The following P3H2 variants were observed in gnomAD, a reference collection of about 807,000 sequenced individuals.
The protein encoded by P3H2 is leprecan-like 1.
P3H2 carries 80 observed loss-of-function variants against 87.0 expected under a neutral mutation model. The ratio of observed to expected loss-of-function variants is 0.92; its 90% CI spans 0.77 to 1.11. P3H2 has a LOEUF of 1.11. P3H2 is among the 50% of genes least tolerant of loss of function. The pLI, the probability that P3H2 is intolerant of heterozygous loss-of-function variation, is 0.00. For missense variants in P3H2, 1,001 were observed against 923.9 expected (o/e 1.08, Z -1.08); for synonymous variants, 367 against 359.3 (o/e 1.02, Z -0.24).
chr3:190,032,288 C>T (rs1223068803), intron 1 of P3H2, among the ~76,000 whole-genome samples: 3 of 151,970 alleles, frequency 2.0e-5, no homozygotes, highest in Non-Finnish European at 4.4e-5. Flanking sequence ...GGTGTGTTGT[C>T]AAAATGCTGA....
At chr3:190,092,989 G>A (rs1180327241) in intron 1 of P3H2, among the ~76,000 whole-genome samples, 1 of 152,080 alleles carries the variant, frequency 6.6e-6, no homozygotes, top group African/African-American at 2.4e-5. Context: ...TCATACATGT[G>A]ATCTCTCTTC....
chr3:190,069,429 T>C (rs1726623394), intron 1 of P3H2, among the ~76,000 whole-genome samples: 1 of 152,220 alleles, frequency 6.6e-6, no homozygotes, highest in Admixed American at 6.5e-5. Context: ...AGTGTAAATC[T>C]TATATATTTG....
At chr3:189,979,823 C>G (rs1000280233) in intron 8 of P3H2, among the ~76,000 whole-genome samples, 1 of 151,778 alleles carries the variant, frequency 6.6e-6, no homozygotes, top group Non-Finnish European at 1.5e-5. Context: ...AAGAAATTAG[C>G]CTGGCATGGT....
intron 11 of P3H2, among the ~76,000 whole-genome samples, chr3:189,972,602 G>A (rs1417892905): frequency 2.6e-5 from 4 of 151,920 alleles, no homozygotes; most frequent in East Asian, 1.9e-4. Flanking sequence ...GAAACCTACA[G>A]CAGAAAAGCA....
chr3:190,042,571 A>T (rs1278438908), intron 1 of P3H2, among the ~76,000 whole-genome samples: 1 of 152,220 alleles, frequency 6.6e-6, no homozygotes, highest in Non-Finnish European at 1.5e-5. Context: ...GTATATTTGT[A>T]ATAAAAGATT....
Position 190,007,965 on chromosome 3 carries a change from C to CACACACACATATATAT in P3H2, c.481-12524_481-12523insATATATATGTGTGTGT. 3.5e-3 allele frequency among the ~76,000 whole-genome samples: 333 copies of CACACACACATATATAT among 94,342 alleles called. 8 individuals carry two copies. Among genetic ancestry groups the CACACACACATATATAT allele is most frequent in the Middle Eastern group, 9.2e-3 (2 of 218 alleles). The allele number at this position is 94,342 out of a possible 152,430, so 61.9% of individuals were successfully genotyped here. The stretch of plus-strand genomic sequence containing the variant: ...GCCTGAGACTCTATTTGTTGACACA[C>CACACACACATATATAT]ATATATATATATATATATATAGTAA... On this transcript the variant is annotated intron_variant, in intron 1 of 14. Transcript: ENST00000319332.
chr3:190,108,671 T>C (rs1044969014), intron 1 of P3H2, among the ~76,000 whole-genome samples: 2 of 152,244 alleles, frequency 1.3e-5, no homozygotes, highest in African/African-American at 2.4e-5. Flanking sequence ...TTCAATGGAC[T>C]GTGACTTACT....
At chr3:190,036,289 T>A (rs1329061163) in intron 1 of P3H2, among the ~76,000 whole-genome samples, 2 of 152,186 alleles carry the variant, frequency 1.3e-5, no homozygotes, top group Middle Eastern at 3.2e-3. Context: ...ATTCCACATA[T>A]TTCTTGTGTC....
At position 189,993,151 on chromosome 3, in the gene P3H2, C is replaced by G. The variant is rs192708346; in HGVS notation, c.823+943G>C. 1.2e-4 allele frequency among the ~76,000 whole-genome samples: 19 copies of G among 152,004 alleles called. No individual in the cohort carries two copies. In the East Asian group the frequency reaches 3.7e-3, roughly 29 times the overall value. Reference sequence around the variant, plus strand: ...CAGCCTGGCCAACATGGAGAAACCCCGTCTCCATGAAAAATACAAAATTAG... The same window carrying G: ...CAGCCTGGCCAACATGGAGAAACCCGGTCTCCATGAAAAATACAAAATTAG... On this transcript the variant is annotated intron_variant, in intron 3 of 14. Coordinates refer to ENST00000319332, the MANE Select transcript of P3H2 (RefSeq NM_018192.4).
intron 13 of P3H2, among the ~76,000 whole-genome samples, chr3:189,968,878 C>A (rs376793735): frequency 6.6e-6 from 1 of 152,142 alleles, no homozygotes; most frequent in East Asian, 1.9e-4. Context: ...TGTTTGTTGG[C>A]CTCATAAATG....
chr3:190,054,939 C>A (rs190288318), intron 1 of P3H2, among the ~76,000 whole-genome samples: 123 of 152,272 alleles, frequency 8.1e-4, no homozygotes, highest in African/African-American at 2.7e-3. Context: ...AAACAGACAC[C>A]ATTCTCCAAG....
chr3:190,008,159 C>G (rs1427686537), intron 1 of P3H2, among the ~76,000 whole-genome samples: 2 of 151,758 alleles, frequency 1.3e-5, no homozygotes, highest in Non-Finnish European at 2.9e-5. Context: ...TTCTCAGGGT[C>G]ACGTGGGTTC....
intron 1 of P3H2, among the ~76,000 whole-genome samples, chr3:190,052,932 C>T (rs954334410): frequency 2.0e-5 from 3 of 152,140 alleles, no homozygotes; most frequent in African/African-American, 7.2e-5. Context: ...ACTGAGGCAA[C>T]CGTTGATCTG....
At chr3:189,987,700 T>A in intron 4 of P3H2, 31 bp from the exon 5 acceptor site, 3 of 1,613,706 alleles carry the variant, frequency 1.9e-6, no homozygotes, top group Non-Finnish European at 2.5e-6. Flanking sequence ...AGCATTAGAG[T>A]CAGCCTAGGT....
At chr3:190,018,760 A>C (rs573958965) in intron 1 of P3H2, among the ~76,000 whole-genome samples, 1 of 152,200 alleles carries the variant, frequency 6.6e-6, no homozygotes, top group African/African-American at 2.4e-5. Flanking sequence ...TTAATGCTGC[A>C]GTTTAAGTTA....
At chr3:190,023,150 A>C (rs1724984432) in intron 1 of P3H2, among the ~76,000 whole-genome samples, 1 of 152,140 alleles carries the variant, frequency 6.6e-6, no homozygotes, top group African/African-American at 2.4e-5. Flanking sequence ...TAGTTCTAAC[A>C]AGTTCCCAGG....
chr3:190,004,371 C>T (rs1230829871), intron 1 of P3H2, among the ~76,000 whole-genome samples: 2 of 152,138 alleles, frequency 1.3e-5, no homozygotes, highest in Non-Finnish European at 2.9e-5. Context: ...CGTTATGATA[C>T]AAACGATAAT....
intron 1 of P3H2, among the ~76,000 whole-genome samples, chr3:190,045,939 G>A (rs933806293): frequency 7.2e-5 from 11 of 152,028 alleles, no homozygotes; most frequent in Admixed American, 2.6e-4. Context: ...GGCTAACATG[G>A]TGAAACCCCG....
intron 1 of P3H2, among the ~76,000 whole-genome samples, chr3:190,040,155 C>A (rs141821025): frequency 1.3e-5 from 2 of 152,194 alleles, no homozygotes; most frequent in African/African-American, 4.8e-5. Flanking sequence ...ACCCGTCTTA[C>A]ACTTTTATCA....
Sources: gnomAD v4.1 joint callset for allele counts (sites outside exome capture counted in the v4.1 genomes callset) on GRCh38, gnomAD v4.1.1 for gene constraint, MANE v1.5 for transcripts, NCBI Gene and HGNC (gene_info 2026-07-23, HGNC 2026-07-21) for gene names.